The following CMC2 variants were observed in gnomAD, a reference collection of about 807,000 sequenced individuals.
The protein encoded by CMC2 is C-X9-C motif containing 2.
Under a neutral mutation model 7.5 loss-of-function variants are expected in CMC2, and 5 were observed. The observed-to-expected ratio is 0.66, with a 90% CI of 0.35 to 1.40. The LOEUF (loss-of-function observed/expected upper bound fraction) is 1.40. CMC2 is among the 40% of genes most tolerant of loss of function. CMC2 has a pLI of 0.04. For synonymous variants in CMC2, 37 were observed against 31.4 expected (o/e 1.18, Z -0.60); for missense variants, 115 against 92.3 (o/e 1.25, Z -1.01).
At chr16:80,993,312 A>C (rs1191048610) in intron 2 of CMC2, among the ~76,000 whole-genome samples, 3 of 152,224 alleles carry the variant, frequency 2.0e-5, no homozygotes, top group African/African-American at 4.8e-5. Context: ...TTCTACCCAC[A>C]GACAATTTCC....
At chr16:80,978,072 C>CAAAAAAAAAA (rs57080796) in intron 3 of CMC2, among the ~76,000 whole-genome samples, 30 of 145,296 alleles carry the variant, frequency 2.1e-4, no homozygotes, top group East Asian at 1.4e-3. Context: ...GACTTCGTCT[C>CAAAAAAAAAA]AAAAAAAAAG....
chr16:81,006,696 G>A (rs1969386178), intron 1 of CMC2, 38 bp downstream of exon 1: 1 of 985,072 alleles, frequency 1.0e-6, no homozygotes, highest in Non-Finnish European at 1.2e-6. Flanking sequence ...GAGGAACAAC[G>A]GAACGCGTTC....
intron 2 of CMC2, among the ~76,000 whole-genome samples, chr16:80,993,403 G>C (rs1245298341): frequency 6.6e-6 from 1 of 152,164 alleles, no homozygotes; most frequent in Non-Finnish European, 1.5e-5. Flanking sequence ...GAGGAATTCG[G>C]GCAGGCTGGG....
chr16:80,990,547 A>T (rs1311222674), intron 2 of CMC2, among the ~76,000 whole-genome samples: 1 of 152,164 alleles, frequency 6.6e-6, no homozygotes, highest in African/African-American at 2.4e-5. Context: ...AATCAATCTC[A>T]TTAGCTTCTG....
At chr16:80,991,124 T>C (rs986588557) in intron 2 of CMC2, among the ~76,000 whole-genome samples, 9 of 151,848 alleles carry the variant, frequency 5.9e-5, no homozygotes, top group Admixed American at 2.0e-4. Context: ...TATTGGATTA[T>C]AACCCAAGGT....
chr16:80,968,057 G>A lies in CMC2; in HGVS notation c.*8036C>T, dbSNP rs949054874. The A allele has an allele frequency of 7.9e-5, 12 of 152,078 alleles. No homozygotes were observed. The highest frequency in any genetic ancestry group is 2.9e-4 in the African/African-American group (12 of 41,396). The allele number at this position is 152,078 out of a possible 1,614,324, so 9.4% of individuals were successfully genotyped here. On this transcript the variant is annotated 3_prime_UTR_variant, in exon 4 of 4. Coordinates refer to ENST00000219400, the MANE Select transcript of CMC2 (RefSeq NM_020188.5). ...GTAAGCTAGAAGTGATGACAAGAGT[G>A]GATGAAGGTCATTAACCCTAAAGAA... is the stretch of plus-strand genomic sequence containing the variant.
chr16:80,998,623 C>T (rs1968612349), intron 1 of CMC2: 1 of 152,098 alleles, frequency 6.6e-6, no homozygotes, highest in South Asian at 2.1e-4. Context: ...ATGGAAGCAA[C>T]CCAAGAGTCC....
At chr16:80,988,829 A>G (rs1456805318) in intron 2 of CMC2, among the ~76,000 whole-genome samples, 1 of 151,766 alleles carries the variant, frequency 6.6e-6, no homozygotes, top group Non-Finnish European at 1.5e-5. Context: ...AACTCTAAAC[A>G]ATATTTTTCT....
intron 3 of CMC2, among the ~76,000 whole-genome samples, chr16:80,979,741 C>G (rs1301878194): frequency 6.6e-6 from 1 of 152,112 alleles, no homozygotes; most frequent in African/African-American, 2.4e-5. Flanking sequence ...CTGCCTCAGC[C>G]TCCCGAGTAG....
intron 3 of CMC2, among the ~76,000 whole-genome samples, chr16:80,978,740 A>T (rs534073971): frequency 6.6e-6 from 1 of 152,136 alleles, no homozygotes; most frequent in South Asian, 2.1e-4. Flanking sequence ...AAAAGGAGTG[A>T]CACAGCGGAG....
At chr16:80,999,812 T>C (rs972990327) in intron 1 of CMC2, among the ~76,000 whole-genome samples, 1 of 152,156 alleles carries the variant, frequency 6.6e-6, no homozygotes, top group Non-Finnish European at 1.5e-5. Flanking sequence ...GGACTTCCCA[T>C]TCAATAAATG....
intron 2 of CMC2, among the ~76,000 whole-genome samples, chr16:80,988,306 G>T (rs963513526): frequency 6.6e-6 from 1 of 152,190 alleles, no homozygotes; most frequent in African/African-American, 2.4e-5. Flanking sequence ...TGCCCAGGCT[G>T]AAGTGCCGGA....
Position 80,968,907 on chromosome 16 carries a change from A to G in CMC2, c.*7186T>C, listed in dbSNP as rs953079072. ...AGATGGAAGATACTGAGTCTCTACG[A>G]GGAATGGTGTGAGAAACAAGAATAT... On this transcript the variant is annotated 3_prime_UTR_variant, in exon 4 of 4. Transcript: ENST00000219400. 1.3e-5 allele frequency: 2 copies of G among 152,274 alleles called. No individual in the cohort carries two copies. The highest frequency in any genetic ancestry group is 2.9e-5 in the Non-Finnish European group (2 of 68,054). 9.4% of individuals were successfully genotyped at this position (152,274 alleles called of 1,614,324 possible). A position where few individuals can be genotyped will look rare whatever the true frequency, so the allele number is the denominator to read the frequency against.
At chr16:80,999,227 C>T (rs1321061449) in intron 1 of CMC2, among the ~76,000 whole-genome samples, 1 of 152,110 alleles carries the variant, frequency 6.6e-6, no homozygotes, top group Non-Finnish European at 1.5e-5. Context: ...TTTCAGGATA[C>T]AAGATCAACA....
At chr16:80,993,359 T>A (rs1968157471) in intron 2 of CMC2, among the ~76,000 whole-genome samples, 1 of 152,092 alleles carries the variant, frequency 6.6e-6, no homozygotes, top group Non-Finnish European at 1.5e-5. Flanking sequence ...AAGAGGAGAA[T>A]GGTAGTTTCA....
intron 3 of CMC2, among the ~76,000 whole-genome samples, chr16:80,976,411 A>T (rs1343226213): frequency 1.3e-5 from 2 of 152,226 alleles, no homozygotes; most frequent in Non-Finnish European, 2.9e-5. Context: ...TTCATTCAAT[A>T]CAGTACAGCA....
Position 80,975,406 on chromosome 16 carries a change from G to GA in CMC2, c.*686dup, listed in dbSNP as rs1912206378. 1.3e-5 allele frequency: 2 copies of GA among 152,460 alleles called. No homozygotes were observed. The highest frequency in any genetic ancestry group is 1.3e-4 in the Admixed American group (2 of 15,302). 9.4% of individuals were successfully genotyped at this position (152,460 alleles called of 1,614,324 possible). Reference sequence around the variant, plus strand: ...AAGTGGGCGGATCACCTAAGCTCAGGAATTTGAGATCAGCCTGGCCAACAT... The same window carrying GA: ...AAGTGGGCGGATCACCTAAGCTCAGGAAATTTGAGATCAGCCTGGCCAACAT... On this transcript the variant is annotated 3_prime_UTR_variant, in exon 4 of 4. Transcript: ENST00000219400.
intron 2 of CMC2, among the ~76,000 whole-genome samples, chr16:80,990,605 G>A (rs1274356801): frequency 2.0e-5 from 3 of 152,180 alleles, no homozygotes; most frequent in Admixed American, 1.3e-4. Context: ...AATATGTTTT[G>A]CTATCTTCTC....
rs1184872226 is a variant in CMC2 at position 80,974,043 on chromosome 16, A to C, written c.*2050T>G. 2 of 152,130 alleles carry C rather than the reference A, an allele frequency of 1.3e-5. No individual in the cohort carries two copies. The highest frequency in any genetic ancestry group is 1.5e-5 in the Non-Finnish European group (1 of 68,050). 9.4% of individuals were successfully genotyped at this position (152,130 alleles called of 1,614,324 possible). On this transcript the variant is annotated 3_prime_UTR_variant, in exon 4 of 4. Coordinates refer to ENST00000219400, the MANE Select transcript of CMC2 (RefSeq NM_020188.5). ...TCCAGGTGACTCTAACAAGCTGCAG[A>C]CCTAAATACCCAGCAGCAACCCGGA...
Sources: gnomAD v4.1 joint callset for allele counts (sites outside exome capture counted in the v4.1 genomes callset) on GRCh38, gnomAD v4.1.1 for gene constraint, MANE v1.5 for transcripts, NCBI Gene and HGNC (gene_info 2026-07-23, HGNC 2026-07-21) for gene names.